Variants in FBN1 observed in about 807,000 individuals in gnomAD.
FBN1 encodes the protein fibrillin-1.
In FBN1, 29 loss-of-function variants were observed where a neutral mutation model predicts 365.1. That is an observed-to-expected ratio of 0.08 (90% CI 0.06 to 0.11). FBN1 has a LOEUF of 0.11. Among genes scored for constraint, FBN1 ranks in the 10% least tolerant of loss-of-function variants. FBN1 has a pLI of 1.00. For synonymous variants in FBN1, 1,210 were observed against 1,270.5 expected, an observed-to-expected ratio of 0.95 and a Z score of 1.01; for missense variants, 2,476 against 3,703.2, an observed-to-expected ratio of 0.67 and a Z score of 8.60.
At position 48,488,237 on chromosome 15, in the gene FBN1, A is replaced by T. The variant is rs747076890; in HGVS notation, c.3213T>A (p.Ile1071=). The T allele has an allele frequency of 4.3e-6, 7 of 1,614,090 alleles. No individual in the cohort carries two copies. Among genetic ancestry groups the T allele is most frequent in the Non-Finnish European group, 5.9e-6 (7 of 1,180,040 alleles). ...GGTCAGGAGATATGCGGCATTCGTCAATGTCTGCACAAAAACAGCAAGTGG... is the reference window on the plus strand; with the variant it reads ...GGTCAGGAGATATGCGGCATTCGTCTATGTCTGCACAAAAACAGCAAGTGG... ...LDSEERNCTD[I]DECRISPDLC... is the part of the protein sequence containing the mutation. The change falls in exon 27 of 66, where the codon ATT becomes ATA. Residue 1071 remains isoleucine (I), a synonymous_variant. Coordinates refer to ENST00000316623, the MANE Select transcript of FBN1 (RefSeq NM_000138.5).
intron 4 of FBN1, among the ~76,000 whole-genome samples, chr15:48,607,367 CATAT>C (rs10587361): frequency 0.63 from 92,053 of 146,176 alleles, 31,253 homozygotes; most frequent in South Asian, 0.77. Flanking sequence ...CATACATATA[CATAT>C]ATATATATAT....
chr15:48,515,213 C>A (rs1315325787), intron 12 of FBN1, among the ~76,000 whole-genome samples, 174 bp downstream of exon 12: 1 of 152,152 alleles, frequency 6.6e-6, no homozygotes, highest in Non-Finnish European at 1.5e-5. Context: ...GGATGTTAGC[C>A]CAGTAAGACT....
At chr15:48,496,017 G>T (rs2043605477) in intron 20 of FBN1, 83 bp downstream of exon 20, 12 of 1,544,700 alleles carry the variant, frequency 7.8e-6, no homozygotes, top group Middle Eastern at 3.4e-4. Flanking sequence ...AAATACAGGA[G>T]ACTCTAATTC....
rs1323882298 is a variant in FBN1 at position 48,409,349 on chromosome 15, T to G, written c.*1641A>C. ...AGTATGAGCCAAATCTACTCCATTTTTTTCAGCTGAGCTCTTCAAAGATTT... is the reference window on the plus strand; with the variant it reads ...AGTATGAGCCAAATCTACTCCATTTGTTTCAGCTGAGCTCTTCAAAGATTT... On this transcript the variant is annotated 3_prime_UTR_variant, in exon 66 of 66. Transcript: ENST00000316623. 6.6e-6 allele frequency: 1 copy of G among 152,184 alleles called. No homozygotes were observed. Among genetic ancestry groups the G allele is most frequent in the Non-Finnish European group, 1.5e-5 (1 of 68,032 alleles). The allele number at this position is 152,184 out of a possible 1,614,324, so 9.4% of individuals were successfully genotyped here.
chr15:48,523,706 T>TTTTG (rs1199156704), intron 9 of FBN1, among the ~76,000 whole-genome samples: 24 of 60,770 alleles, frequency 3.9e-4, no homozygotes, highest in African/African-American at 3.1e-3. Flanking sequence ...ACACCAAGGG[T>TTTTG]GGCTGGGGGG....
At chr15:48,504,028 C>T in intron 16 of FBN1, 89 bp from the exon 17 acceptor site, 1 of 1,494,300 alleles carries the variant, frequency 6.7e-7, no homozygotes, top group Non-Finnish European at 9.2e-7. Context: ...TTTATTTATC[C>T]ATCATCCCTG....
chr15:48,415,664 C>T lies in FBN1; in HGVS notation c.7923G>A (p.Gln2641=). 1.9e-6 allele frequency: 3 copies of T among 1,614,240 alleles called. No individual in the cohort carries two copies. Among genetic ancestry groups the T allele is most frequent in the Non-Finnish European group, 2.5e-6 (3 of 1,180,040 alleles). ...CMCPAGFQYE[Q]FSGGCQDINE... is the part of the protein sequence containing the mutation. Reference sequence around the variant, plus strand: ...TGATGTCTTGGCATCCTCCACTGAACTGTTCATACTGGAAGCCGGCGGGAC... The same window carrying T: ...TGATGTCTTGGCATCCTCCACTGAATTGTTCATACTGGAAGCCGGCGGGAC... Residue 2641 remains glutamine (Q), a synonymous_variant, in exon 64 of 66, where the codon CAG becomes CAA. Transcript: ENST00000316623.
chr15:48,607,565 G>T (rs967879677), intron 4 of FBN1, among the ~76,000 whole-genome samples: 10 of 150,932 alleles, frequency 6.6e-5, no homozygotes, highest in African/African-American at 2.4e-4. Context: ...TGTCCCTTCT[G>T]CCATGTGAGG....
At chr15:48,612,081 C>T (rs182946572) in intron 3 of FBN1, among the ~76,000 whole-genome samples, 1 of 152,276 alleles carries the variant, frequency 6.6e-6, no homozygotes, top group Non-Finnish European at 1.5e-5. Flanking sequence ...TGAGAAAAAT[C>T]CAAATACCAT....
intron 45 of FBN1, among the ~76,000 whole-genome samples, chr15:48,449,116 T>A (rs2043181083): frequency 6.6e-6 from 1 of 152,108 alleles, no homozygotes; most frequent in Non-Finnish European, 1.5e-5. Context: ...GGGTAAGTAA[T>A]CAAAAAATAT....
chr15:48,481,843 G>T (rs1442048517), intron 31 of FBN1, 63 bp from the exon 32 acceptor site: 1 of 1,474,472 alleles, frequency 6.8e-7, no homozygotes. Context: ...CTTTCCCCTC[G>T]AGACATAATA....
intron 17 of FBN1, among the ~76,000 whole-genome samples, chr15:48,500,695 C>T (rs146654351): frequency 6.2e-4 from 95 of 152,300 alleles, no homozygotes; most frequent in African/African-American, 2.2e-3. Flanking sequence ...CCCCGAATTA[C>T]CCTCCTGTGG....
chr15:48,633,654 C>T (rs1186146469), intron 2 of FBN1, among the ~76,000 whole-genome samples: 1 of 152,186 alleles, frequency 6.6e-6, no homozygotes, highest in Non-Finnish European at 1.5e-5. Flanking sequence ...TACAGTATCA[C>T]CCCTTCAGGG....
Position 48,427,582 on chromosome 15 carries a change from T to C in FBN1, c.7189A>G (p.Met2397Val), listed in dbSNP as rs774698871. 70 of 1,614,036 alleles carry C rather than the reference T, an allele frequency of 4.3e-5. No individual in the cohort carries two copies. The highest frequency in any genetic ancestry group is 5.2e-5 in the Non-Finnish European group (61 of 1,179,970). ...AATGAAGTACCTGCTCCATTGGTCA[T>C]GAATCCTCGGCCATGGGGACAGAGT... ...KKLCPHGRGF[M>V]TNGADIDECK... is the part of the protein sequence containing the mutation. The change falls in exon 58 of 66, where the codon ATG (methionine) becomes GTG (valine). Residue 2397 changes from methionine to valine, a missense_variant. By Grantham distance (21) the Met-to-Val change is conservative (BLOSUM62 1). This residue lies in a region of FBN1 where 1,780 missense variants were observed against 2,840.8 expected (regional missense o/e 0.63). Transcript: ENST00000316623.
Position 48,520,557 on chromosome 15 carries a change from C to A in FBN1, c.1147+102G>T, listed in dbSNP as rs1222989811. The A allele has an allele frequency of 2.2e-6, 3 of 1,365,348 alleles. No individual in the cohort carries two copies. In the Admixed American group the frequency reaches 5.7e-5, roughly 26 times the overall value. 84.6% of individuals were successfully genotyped at this position (1,365,348 alleles called of 1,614,324 possible). ...CATCTCTTATATTTCCTGGAGACTA[C>A]TCATTTACCCAAGTTTCCATTACAT... On this transcript the variant is annotated intron_variant, in intron 10 of 65. Coordinates refer to ENST00000316623, the MANE Select transcript of FBN1 (RefSeq NM_000138.5).
Position 48,644,819 on chromosome 15 carries a change from C to T in FBN1, c.-50G>A. 1.3e-6 allele frequency: 2 copies of T among 1,568,772 alleles called. No homozygotes were observed. The highest frequency in any genetic ancestry group is 1.7e-6 in the Non-Finnish European group (2 of 1,162,192). ...GCCGCCTCTTGCCGCGCCCGGGGCT[C>T]GGTCTGCGGCCGCCGCTGCGCCCTG... On this transcript the variant is annotated 5_prime_UTR_variant, in exon 2 of 66. Coordinates refer to ENST00000316623, the MANE Select transcript of FBN1 (RefSeq NM_000138.5).
At chr15:48,545,187 C>A (rs1220898559) in intron 6 of FBN1, among the ~76,000 whole-genome samples, 1 of 151,834 alleles carries the variant, frequency 6.6e-6, no homozygotes, top group Admixed American at 6.6e-5. Context: ...GATTAGTAGC[C>A]CAAGAGGAAA....
intron 29 of FBN1, 26 bp from the exon 30 acceptor site, chr15:48,485,522 C>G (rs774097098): frequency 6.2e-7 from 1 of 1,612,768 alleles, no homozygotes; most frequent in South Asian, 1.1e-5. Flanking sequence ...ATAATATCAC[C>G]TTCTGATATG....
rs138605821 is a variant in FBN1 at position 48,511,714 on chromosome 15, T to C, written c.1589-1545A>G. 7.9e-5 allele frequency among the ~76,000 whole-genome samples: 12 copies of C among 152,318 alleles called. No homozygotes were observed. In the East Asian group the frequency reaches 2.1e-3, roughly 27 times the overall value. On this transcript the variant is annotated intron_variant, in intron 13 of 65. Coordinates refer to ENST00000316623, the MANE Select transcript of FBN1 (RefSeq NM_000138.5). Reference sequence around the variant, plus strand: ...AAATAATGTGAGCACGTTCTCAACTTCTTATTTTCAGGATAACCTTAGTGC... The same window carrying C: ...AAATAATGTGAGCACGTTCTCAACTCCTTATTTTCAGGATAACCTTAGTGC...
Sources: gnomAD v4.1 joint callset for allele counts (sites outside exome capture counted in the v4.1 genomes callset) on GRCh38, gnomAD v4.1.1 for gene constraint, gnomAD v4.1.1 regional missense constraint, MANE v1.5 for transcripts, NCBI Gene and HGNC (gene_info 2026-07-23, HGNC 2026-07-21) for gene names.